The following CTNND2 variants were observed in gnomAD, a reference collection of about 807,000 sequenced individuals.
CTNND2 encodes the protein catenin delta 2.
A neutral mutation model predicts 144.4 loss-of-function variants in CTNND2; 22 were observed. The observed-to-expected ratio is 0.15, with a 90% CI of 0.11 to 0.22. CTNND2 has a LOEUF of 0.22. Among genes scored for constraint, CTNND2 ranks in the 10% least tolerant of loss-of-function variants. The pLI is 1.00. For synonymous variants in CTNND2, 751 were observed against 695.6 expected (o/e 1.08, Z -1.25); for missense variants, 1,353 against 1,618.8 (o/e 0.84, Z 2.82).
chr5:10,999,845 C>T (rs1739740465), intron 18 of CTNND2, among the ~76,000 whole-genome samples: 1 of 152,194 alleles, frequency 6.6e-6, no homozygotes, highest in Admixed American at 6.5e-5. Context: ...CCACTTTCAG[C>T]CTCTGTGCTC....
intron 1 of CTNND2, among the ~76,000 whole-genome samples, chr5:11,775,758 C>T (rs187199823): frequency 6.6e-6 from 1 of 152,288 alleles, no homozygotes; most frequent in East Asian, 1.9e-4. Flanking sequence ...GAATAATATA[C>T]CCCCGACATT....
At chr5:11,530,738 A>G (rs1773678581) in intron 3 of CTNND2, among the ~76,000 whole-genome samples, 2 of 152,206 alleles carry the variant, frequency 1.3e-5, no homozygotes, top group Admixed American at 6.5e-5. Flanking sequence ...AATGCCACTC[A>G]TTTCGTCTAC....
At chr5:11,119,989 AG>A (rs2149698257) in intron 12 of CTNND2, among the ~76,000 whole-genome samples, 1 of 152,342 alleles carries the variant, frequency 6.6e-6, no homozygotes, top group South Asian at 2.1e-4. Context: ...ACCAACCAAT[AG>A]GAAATAATCA....
At chr5:11,181,950 G>T (rs1042307009) in intron 11 of CTNND2, among the ~76,000 whole-genome samples, 2 of 142,196 alleles carry the variant, frequency 1.4e-5, no homozygotes, top group African/African-American at 5.2e-5. Flanking sequence ...GTGTGGGGGG[G>T]TGCGTGGTAT....
At chr5:11,069,437 A>G (rs1003797269) in intron 16 of CTNND2, among the ~76,000 whole-genome samples, 3 of 152,204 alleles carry the variant, frequency 2.0e-5, no homozygotes, top group African/African-American at 7.2e-5. Context: ...GGCTGCCATG[A>G]GCCATCTAAG....
intron 2 of CTNND2, among the ~76,000 whole-genome samples, chr5:11,593,132 C>G (rs1779336779): frequency 6.6e-6 from 1 of 152,098 alleles, no homozygotes. Flanking sequence ...ATATGCAGCA[C>G]ATGCATGACC....
At chr5:11,582,034 A>T (rs1338039512) in intron 2 of CTNND2, among the ~76,000 whole-genome samples, 1 of 152,218 alleles carries the variant, frequency 6.6e-6, no homozygotes, top group Non-Finnish European at 1.5e-5. Context: ...GACTGAGATT[A>T]ACAAAGGATG....
At chr5:11,636,398 A>G (rs1480509457) in intron 2 of CTNND2, among the ~76,000 whole-genome samples, 1 of 152,156 alleles carries the variant, frequency 6.6e-6, no homozygotes. Flanking sequence ...GCTTTGTTAT[A>G]CCTATCCAGA....
At chr5:11,105,758 G>A (rs61755676) in intron 14 of CTNND2, among the ~76,000 whole-genome samples, 2,158 of 152,212 alleles carry the variant, frequency 0.014, 59 homozygotes, top group African/African-American at 0.049. Context: ...GAGTTGCTGC[G>A]CAAAAATGCA....
chr5:11,513,466 A>G (rs1303701961), intron 3 of CTNND2, among the ~76,000 whole-genome samples: 1 of 152,222 alleles, frequency 6.6e-6, no homozygotes, highest in Non-Finnish European at 1.5e-5. Context: ...AGAAAGGATT[A>G]GCATTTACTT....
At chr5:11,456,010 G>A (rs1765704145) in intron 3 of CTNND2, among the ~76,000 whole-genome samples, 1 of 152,096 alleles carries the variant, frequency 6.6e-6, no homozygotes. Context: ...AAGGACTACT[G>A]CTAAATTAAC....
At chr5:11,347,347 T>G (rs996926696) in intron 8 of CTNND2, among the ~76,000 whole-genome samples, 8 of 152,232 alleles carry the variant, frequency 5.3e-5, no homozygotes, top group African/African-American at 1.7e-4. Context: ...TGACTTAGCT[T>G]TTCTGAAAGT....
chr5:11,039,169 C>G (rs772593254), intron 16 of CTNND2, among the ~76,000 whole-genome samples: 1 of 152,210 alleles, frequency 6.6e-6, no homozygotes, highest in Admixed American at 6.5e-5. Flanking sequence ...CATTTCCTAA[C>G]AGTTGCAGAC....
chr5:11,599,281 T>C (rs1024332371), intron 2 of CTNND2, among the ~76,000 whole-genome samples: 2 of 152,070 alleles, frequency 1.3e-5, no homozygotes, highest in Non-Finnish European at 1.5e-5. Context: ...CATGATAACA[T>C]AGCAATATTT....
chr5:11,141,044 T>A (rs572128210), intron 12 of CTNND2, among the ~76,000 whole-genome samples: 1 of 152,270 alleles, frequency 6.6e-6, no homozygotes, highest in East Asian at 1.9e-4. Context: ...AGCCTCTACC[T>A]CCCAGGCTCA....
rs147790373 is a variant in CTNND2 at position 11,343,157 on chromosome 5, C to T, written c.1628+3215G>A. On this transcript the variant is annotated intron_variant, in intron 9 of 21. Transcript: ENST00000304623. ...CAATCCAAATGACTGAGCCAACCAT[C>T]AACAAGAAAATCCCAACCCCTCAGA... is the stretch of plus-strand genomic sequence containing the variant. Among the ~76,000 whole-genome samples the T allele has an allele frequency of 1.2e-4, 18 of 152,300 alleles. 1 individual carries two copies. The highest frequency in any genetic ancestry group is 4.3e-4 in the African/African-American group (18 of 41,566).
At chr5:11,073,418 C>T (rs114935404) in intron 16 of CTNND2, among the ~76,000 whole-genome samples, 5 of 152,314 alleles carry the variant, frequency 3.3e-5, no homozygotes, top group Admixed American at 2.6e-4. Context: ...GTCGGCTCTC[C>T]GTCTCTTGCT....
At chr5:11,218,509 T>C (rs531341558) in intron 10 of CTNND2, among the ~76,000 whole-genome samples, 52 of 152,264 alleles carry the variant, frequency 3.4e-4, no homozygotes, top group Middle Eastern at 3.4e-3. Context: ...TTAAAATAGA[T>C]TGTGTGTGTT....
At chr5:11,034,807 G>A (rs888857535) in intron 16 of CTNND2, among the ~76,000 whole-genome samples, 3 of 151,360 alleles carry the variant, frequency 2.0e-5, no homozygotes, top group African/African-American at 7.3e-5. Context: ...TGTGTTTATT[G>A]GGATCTTGTT....
Sources: gnomAD v4.1 joint callset for allele counts (sites outside exome capture counted in the v4.1 genomes callset) on GRCh38, gnomAD v4.1.1 for gene constraint, MANE v1.5 for transcripts, NCBI Gene and HGNC (gene_info 2026-07-23, HGNC 2026-07-21) for gene names.